Variants in DSCAML1 observed in about 807,000 individuals in gnomAD.
DSCAML1 encodes the protein cell adhesion molecule DSCAML1.
A neutral mutation model predicts 200.5 loss-of-function variants in DSCAML1; 38 were observed. The observed-to-expected ratio is 0.19, with a 90% CI of 0.15 to 0.25. The LOEUF is 0.25. Among genes scored for constraint, DSCAML1 ranks in the 10% least tolerant of loss-of-function variants. The pLI, the probability that DSCAML1 is intolerant of heterozygous loss-of-function variation, is 1.00. For synonymous variants in DSCAML1, 1,215 were observed against 1,165.0 expected (o/e 1.04, Z -0.87); for missense variants, 2,223 against 2,858.8 (o/e 0.78, Z 5.07).
At chr11:117,554,911 G>T (rs1189715861) in intron 3 of DSCAML1, among the ~76,000 whole-genome samples, 1 of 152,188 alleles carries the variant, frequency 6.6e-6, no homozygotes. Context: ...GCCAAATGCA[G>T]TTCTAATGGA....
rs186673199 is a variant in DSCAML1, at chr11:117,628,692, G to A, written c.512-96170C>T. Among the ~76,000 whole-genome samples, 449 of 152,220 alleles carry A rather than the reference G, an allele frequency of 2.9e-3. 3 individuals carry two copies. The highest frequency in any genetic ancestry group is 4.7e-3 in the Non-Finnish European group (317 of 68,016). On this transcript the variant is annotated intron_variant, in intron 3 of 32. Transcript: ENST00000651296. ...TTGCATTGTGGTGAAGGGTATACCC[G>A]GGGCACAGTCTTCTGGGATGGACAC...
chr11:117,569,600 T>G (rs1288049021), intron 3 of DSCAML1, among the ~76,000 whole-genome samples: 1 of 152,190 alleles, frequency 6.6e-6, no homozygotes, highest in Non-Finnish European at 1.5e-5. Context: ...ACCAAGCCAC[T>G]TCCCTCATTC....
In DSCAML1 at chr11:117,518,073, C is replaced by T. The variant is rs929172332; in HGVS notation, c.1510+393G>A. Reference sequence around the variant, plus strand: ...TTAAAGACCAAGCCTGGTCCCCAGCCCCTGCACTGTCTTGCCCTTACAAGG... The same window carrying T: ...TTAAAGACCAAGCCTGGTCCCCAGCTCCTGCACTGTCTTGCCCTTACAAGG... On this transcript the variant is annotated intron_variant, in intron 7 of 32. Coordinates refer to ENST00000651296, the MANE Select transcript of DSCAML1 (RefSeq NM_020693.4). The surrounding 1 kb of genome is among the most constrained non-coding windows in gnomAD (Gnocchi z 6.3). Among the ~76,000 whole-genome samples the T allele has an allele frequency of 7.9e-5, 12 of 152,176 alleles. No individual in the cohort carries two copies. The highest frequency in any genetic ancestry group is 2.4e-4 in the African/African-American group (10 of 41,436).
Position 117,450,641 on chromosome 11 carries a change from T to A in DSCAML1, c.3616A>T (p.Ser1206Cys). 2 of 1,614,138 alleles carry A rather than the reference T, an allele frequency of 1.2e-6. No individual in the cohort carries two copies. Among genetic ancestry groups the A allele is most frequent in the Non-Finnish European group, 1.7e-6 (2 of 1,180,014 alleles). ...GGGGGGAGCCAAGACACAACCACAC[T>A]GCTAGCTGATGAAGGGACAGCTTTG... ...GIKAVPSSAS[S>C]VVVSWLPPTK... Residue 1206 changes from serine (S) to cysteine (C), a missense_variant, in exon 20 of 33, where the codon AGT becomes TGT. Transcript: ENST00000651296.
In DSCAML1 at chr11:117,805,998, C is replaced by T. The variant is rs76769860; in HGVS notation, c.-250+11392G>A. On this transcript the variant is annotated intron_variant, in intron 1 of 2. Coordinates refer to the DSCAML1 transcript ENST00000525836. ...AGGGCTTAGGTCCAGGGCTCCTGACCGCCTGGCCTGCGCTCAGCTAAGTGG... is the reference window on the plus strand; with the variant it reads ...AGGGCTTAGGTCCAGGGCTCCTGACTGCCTGGCCTGCGCTCAGCTAAGTGG... Among the ~76,000 whole-genome samples the T allele has an allele frequency of 4.8e-3, 729 of 152,252 alleles. 4 individuals carry two copies. Among genetic ancestry groups the T allele is most frequent in the African/African-American group, 0.017 (686 of 41,550 alleles).
At chr11:117,731,821 G>A (rs1308200855) in intron 3 of DSCAML1, among the ~76,000 whole-genome samples, 1 of 152,208 alleles carries the variant, frequency 6.6e-6, no homozygotes, top group Non-Finnish European at 1.5e-5. Flanking sequence ...CAATAAATGT[G>A]GATGAAATGG....
chr11:117,695,055 T>G lies in DSCAML1; in HGVS notation c.511+81736A>C, dbSNP rs532534143. Reference sequence around the variant, plus strand: ...AGATGCTTGGCAGCCGTATGGTGGATGGATTAGAGGGAAGACAACAGAAGC... The same window carrying G: ...AGATGCTTGGCAGCCGTATGGTGGAGGGATTAGAGGGAAGACAACAGAAGC... On this transcript the variant is annotated intron_variant, in intron 3 of 32. Coordinates refer to ENST00000651296, the MANE Select transcript of DSCAML1 (RefSeq NM_020693.4). Among the ~76,000 whole-genome samples, 158 of 152,026 alleles carry G rather than the reference T, an allele frequency of 1.0e-3. 3 individuals carry two copies. In the South Asian group the frequency reaches 0.032, roughly 31 times the overall value.
chr11:117,505,805 C>G lies in DSCAML1; in HGVS notation c.1784-73G>C, dbSNP rs1456227206. On this transcript the variant is annotated intron_variant, in intron 8 of 32. Transcript: ENST00000651296. The surrounding 1 kb of genome is among the most constrained non-coding windows in gnomAD (Gnocchi z 6.7). Reference sequence around the variant, plus strand: ...CTGGCCGCCAACGCCGCCTCACCTGCCTTACCTGGGGCTCTGGGTTGGGCC... The same window carrying G: ...CTGGCCGCCAACGCCGCCTCACCTGGCTTACCTGGGGCTCTGGGTTGGGCC... The G allele has an allele frequency of 6.6e-7, 1 of 1,526,188 alleles. No individual in the cohort carries two copies. Among genetic ancestry groups the G allele is most frequent in the East Asian group, 2.3e-5 (1 of 43,142 alleles). 94.5% of individuals were successfully genotyped at this position (1,526,188 alleles called of 1,614,324 possible).
chr11:117,462,459 C>G (rs1394937883), intron 17 of DSCAML1, among the ~76,000 whole-genome samples: 1 of 152,196 alleles, frequency 6.6e-6, no homozygotes, highest in African/African-American at 2.4e-5. Flanking sequence ...ATCCGAGGGC[C>G]AGGGACAAAG....
intron 21 of DSCAML1, among the ~76,000 whole-genome samples, chr11:117,441,949 T>A (rs2048058530): frequency 6.6e-6 from 1 of 152,100 alleles, no homozygotes; most frequent in Non-Finnish European, 1.5e-5. Flanking sequence ...TGGGGTTGGC[T>A]CCCTGAATCT....
chr11:117,464,611 G>A (rs141291362), intron 17 of DSCAML1, among the ~76,000 whole-genome samples: 18 of 152,266 alleles, frequency 1.2e-4, no homozygotes, highest in African/African-American at 2.6e-4. Context: ...AGGGGTTAGC[G>A]TGCCAGGAAG....
At chr11:117,635,448 G>T (rs1011426613) in intron 3 of DSCAML1, among the ~76,000 whole-genome samples, 2 of 96,730 alleles carry the variant, frequency 2.1e-5, no homozygotes, top group African/African-American at 6.6e-5. Flanking sequence ...AGTGTGTGTG[G>T]TGTGTGTGTG....
At chr11:117,759,525 C>T (rs2054760972) in intron 3 of DSCAML1, among the ~76,000 whole-genome samples, 1 of 152,156 alleles carries the variant, frequency 6.6e-6, no homozygotes, top group African/African-American at 2.4e-5. Context: ...TTGGCTATGA[C>T]CTCGACTCCC....
At chr11:117,551,116 G>T (rs1429440384) in intron 3 of DSCAML1, among the ~76,000 whole-genome samples, 3 of 152,174 alleles carry the variant, frequency 2.0e-5, no homozygotes, top group East Asian at 3.8e-4. Context: ...AACATTTTGG[G>T]TTGAAGGGCC....
intron 1 of DSCAML1, among the ~76,000 whole-genome samples, chr11:117,794,937 A>G (rs1015590104): frequency 6.6e-6 from 1 of 152,122 alleles, no homozygotes; most frequent in African/African-American, 2.4e-5. Flanking sequence ...GCCACCGAGG[A>G]GCCGCCACAA....
In DSCAML1 at chr11:117,439,935, G is replaced by A; in HGVS notation, c.3864C>T (p.Ala1288=). Reference sequence around the variant, plus strand: ...CCCCAAAGGAGATGATCTTTGCTGGGGCTACAGGGAGGAGAGGATGAGGGC... The same window carrying A: ...CCCCAAAGGAGATGATCTTTGCTGGAGCTACAGGGAGGAGAGGATGAGGGC... ...EKVTIEPAGK[A]PAKIISFGGT... is the part of the protein sequence containing the mutation. The change falls in exon 22 of 33, where the codon GCC becomes GCT. Residue 1288 remains alanine, a splice_region_variant and synonymous_variant. Transcript: ENST00000651296. 1 of 1,613,674 alleles carries A rather than the reference G, an allele frequency of 6.2e-7. No individual in the cohort carries two copies. The highest frequency in any genetic ancestry group is 8.5e-7 in the Non-Finnish European group (1 of 1,179,700).
intron 3 of DSCAML1, among the ~76,000 whole-genome samples, chr11:117,692,832 A>C (rs752860907): frequency 6.6e-6 from 1 of 152,120 alleles, no homozygotes; most frequent in Admixed American, 6.5e-5. Flanking sequence ...ATGGAACTGA[A>C]ACCGGTTGTT....
At chr11:117,796,811 G>A (rs901304230) in intron 1 of DSCAML1, among the ~76,000 whole-genome samples, 2 of 152,284 alleles carry the variant, frequency 1.3e-5, no homozygotes, top group South Asian at 2.1e-4. Context: ...CTACGGGCGC[G>A]CCCCAAAACG....
chr11:117,658,254 A>G (rs2052772740), intron 3 of DSCAML1, among the ~76,000 whole-genome samples: 1 of 152,118 alleles, frequency 6.6e-6, no homozygotes, highest in South Asian at 2.1e-4. Context: ...CTACACATTC[A>G]TCAGAGGCAC....
Sources: gnomAD v4.1 joint callset for allele counts (sites outside exome capture counted in the v4.1 genomes callset) on GRCh38, gnomAD v4.1.1 for gene constraint, Gnocchi (gnomAD v3.1) non-coding constraint, MANE v1.5 for transcripts, NCBI Gene and HGNC (gene_info 2026-07-23, HGNC 2026-07-21) for gene names.